Variants in SLC36A2 observed in about 807,000 individuals in gnomAD.
The protein encoded by SLC36A2 is proton-coupled amino acid transporter 2.
SLC36A2 carries 39 observed loss-of-function variants against 42.7 expected under a neutral mutation model. The ratio of observed to expected loss-of-function variants is 0.91; its 90% CI spans 0.71 to 1.19. The LOEUF (loss-of-function observed/expected upper bound fraction) is 1.19, where lower values mean the gene tolerates loss of function less well. SLC36A2 is among the 50% of genes most tolerant of loss of function. The pLI, the probability that SLC36A2 is intolerant of heterozygous loss-of-function variation, is 0.00. For missense variants in SLC36A2, 590 were observed against 613.7 expected, an observed-to-expected ratio of 0.96 and a Z score of 0.41; for synonymous variants, 237 against 240.8, an observed-to-expected ratio of 0.98 and a Z score of 0.15.
Position 151,322,086 on chromosome 5 carries a change from A to T in SLC36A2, c.1140T>A (p.Pro380=), listed in dbSNP as rs1295661180. ...ISRVSTRWAL[P]LDLSIRLVMV... is the part of the protein sequence containing the mutation. ...TGACGAGGCGAATGGACAGATCCAG[A>T]GGCAGTGCCCAGCGTGTTGACACCC... is the stretch of plus-strand genomic sequence containing the variant. The change falls in exon 9 of 10, where the codon CCT becomes CCA. Residue 380 remains proline (P), a synonymous_variant. Coordinates refer to ENST00000335244, the MANE Select transcript of SLC36A2 (RefSeq NM_181776.3). The T allele has an allele frequency of 6.2e-6, 10 of 1,614,224 alleles. No homozygotes were observed. The highest frequency in any genetic ancestry group is 8.5e-6 in the Non-Finnish European group (10 of 1,180,036).
intron 1 of SLC36A2, among the ~76,000 whole-genome samples, chr5:151,344,980 C>G (rs1269934723): frequency 6.6e-6 from 1 of 152,094 alleles, no homozygotes; most frequent in Non-Finnish European, 1.5e-5. Context: ...TTTCTTTTCT[C>G]AGCCCAGGGC....
At chr5:151,321,991 C>G (rs780981440) in intron 9 of SLC36A2, 55 bp downstream of exon 9, 81 of 1,609,872 alleles carry the variant, frequency 5.0e-5, no homozygotes, top group Non-Finnish European at 5.9e-5. Context: ...CTGGCTGATT[C>G]TTTATAGCCC....
chr5:151,331,250 C>T (rs575970500), intron 7 of SLC36A2, among the ~76,000 whole-genome samples: 94 of 152,252 alleles, frequency 6.2e-4, no homozygotes, highest in African/African-American at 2.2e-3. Flanking sequence ...GAAGAAAACT[C>T]TGAGGTAAAT....
At chr5:151,344,322 G>T in intron 1 of SLC36A2, 55 bp from the exon 2 acceptor site, 1 of 1,455,788 alleles carries the variant, frequency 6.9e-7, no homozygotes, top group Non-Finnish European at 9.6e-7. Context: ...AGAAGATCCA[G>T]CGGTGATTCC....
rs554231453 is a variant in SLC36A2 at position 151,340,308 on chromosome 5, C to A, written c.441-1164G>T. Among the ~76,000 whole-genome samples the A allele has an allele frequency of 3.7e-4, 55 of 148,486 alleles. No individual in the cohort carries two copies. In the South Asian group the frequency reaches 7.1e-3, roughly 19 times the overall value. ...AAGAGGAAGAGGAGGAAGAAGAAGA[C>A]GAGGAGGAGGAGGAGGACAGTTTTA... On this transcript the variant is annotated intron_variant, in intron 4 of 9. Transcript: ENST00000335244.
chr5:151,322,253 T>C, intron 8 of SLC36A2, 38 bp from the exon 9 acceptor site: 2 of 1,611,132 alleles, frequency 1.2e-6, no homozygotes, highest in Non-Finnish European at 1.7e-6. Flanking sequence ...CCACGGCCAC[T>C]GTGTTCTGAC....
In SLC36A2 at chr5:151,322,187, T is replaced by C; in HGVS notation, c.1039A>G (p.Ile347Val). ...WLYQSVKLLY[I>V]AGILCTYALQ... The stretch of plus-strand genomic sequence containing the variant: ...GCATAGGTGCACAGGATGCCGGCAA[T>C]GTAGAGAAGCTTGACAGACTGGTAC... Residue 347 changes from isoleucine (I) to valine (V), a missense_variant, in exon 9 of 10, where the codon ATT (isoleucine) becomes GTT (valine). Transcript: ENST00000335244. 2 of 1,614,108 alleles carry C rather than the reference T, an allele frequency of 1.2e-6. No individual in the cohort carries two copies. Among genetic ancestry groups the C allele is most frequent in the South Asian group, 1.1e-5 (1 of 91,076 alleles).
At position 151,325,300 on chromosome 5, in the gene SLC36A2, G is replaced by C. The variant is rs778139122; in HGVS notation, c.996C>G (p.Asn332Lys). 1.2e-6 allele frequency: 2 copies of C among 1,613,540 alleles called. No individual in the cohort carries two copies. The highest frequency in any genetic ancestry group is 1.7e-5 in the Admixed American group (1 of 59,932). ...GDDIKASISL[N>K]LPNCWLYQSV... ...CATGAAGATACCAGCAGTTAGGCAG[G>C]TTAAGGCTTATGCTGGCCTTGATGT... is the stretch of plus-strand genomic sequence containing the variant. The change falls in exon 8 of 10, where the codon AAC (asparagine) becomes AAG (lysine). Residue 332 changes from asparagine (N) to lysine (K), a missense_variant. Coordinates refer to ENST00000335244, the MANE Select transcript of SLC36A2 (RefSeq NM_181776.3).
At chr5:151,329,994 G>C (rs1293034663) in intron 7 of SLC36A2, among the ~76,000 whole-genome samples, 2 of 152,112 alleles carry the variant, frequency 1.3e-5, no homozygotes, top group African/African-American at 4.8e-5. Context: ...GGCACAGATT[G>C]GTTATACACT....
Position 151,322,010 on chromosome 5 carries a change from G to A in SLC36A2, c.1180+36C>T, listed in dbSNP as rs59157738. 12,585 of 1,613,112 alleles carry A rather than the reference G, an allele frequency of 7.8e-3. 828 individuals carry two copies. In the African/African-American group the frequency reaches 0.15, roughly 19 times the overall value. ...CTGATTCTTTATAGCCCTCAGAAAAGATCAGCAGGAACACTGCACTCTCCT... is the reference window on the plus strand; with the variant it reads ...CTGATTCTTTATAGCCCTCAGAAAAAATCAGCAGGAACACTGCACTCTCCT... On this transcript the variant is annotated intron_variant, in intron 9 of 9. Transcript: ENST00000335244.
In SLC36A2 at chr5:151,336,005, C is replaced by CAA. The variant is rs543628468; in HGVS notation, c.526-460_526-459dup. 7.9e-3 allele frequency among the ~76,000 whole-genome samples: 951 copies of CAA among 120,376 alleles called. 44 individuals are homozygous for CAA. In the East Asian group the frequency reaches 0.15, roughly 19 times the overall value. The allele number at this position is 120,376 out of a possible 152,430, so 79.0% of individuals were successfully genotyped here. On this transcript the variant is annotated intron_variant, in intron 5 of 9. Coordinates refer to ENST00000335244, the MANE Select transcript of SLC36A2 (RefSeq NM_181776.3). ...GCAACAGAGTAAGGCCCTGTATCCA[C>CAA]AAAAAAAAAAAAAAGTTGTAAAAAT...
Position 151,340,216 on chromosome 5 carries a change from GGA to G in SLC36A2, c.441-1074_441-1073del, listed in dbSNP as rs563533727. 6.8e-4 allele frequency among the ~76,000 whole-genome samples: 93 copies of G among 136,656 alleles called. 2 individuals are homozygous for G. In the East Asian group the frequency reaches 0.018, roughly 26 times the overall value. 89.7% of individuals were successfully genotyped at this position (136,656 alleles called of 152,430 possible). ...TGGAGGAGGAGGAGAGGAGGAGGAG[GGA>G]GAGGAGGAGGAAGGGGAGGAGGAGG... On this transcript the variant is annotated intron_variant, in intron 4 of 9. Transcript: ENST00000335244.
At chr5:151,332,020 C>T (rs1473183147) in intron 7 of SLC36A2, among the ~76,000 whole-genome samples, 1 of 152,040 alleles carries the variant, frequency 6.6e-6, no homozygotes, top group African/African-American at 2.4e-5. Flanking sequence ...GTACATGCTG[C>T]CACTCCCAGT....
intron 7 of SLC36A2, among the ~76,000 whole-genome samples, chr5:151,332,194 T>C (rs1342000366): frequency 6.6e-6 from 1 of 151,766 alleles, no homozygotes. Flanking sequence ...GGAAAAAATT[T>C]AAAAGGAAAA....
Position 151,347,556 on chromosome 5 carries a change from C to T in SLC36A2, c.-96G>A. ...TCTAGTGTAGATGTACACCCCAGCA[C>T]AGTGGTGTGTGCCCGGGCTGGCTCT... On this transcript the variant is annotated 5_prime_UTR_variant, in exon 1 of 10. In the 5' UTR this introduces an upstream ATG that the reference lacks. Transcript: ENST00000335244. 1 of 1,488,274 alleles carries T rather than the reference C, an allele frequency of 6.7e-7. No individual in the cohort carries two copies. The highest frequency in any genetic ancestry group is 1.1e-5 in the South Asian group (1 of 87,660). 92.2% of individuals were successfully genotyped at this position (1,488,274 alleles called of 1,614,324 possible).
intron 7 of SLC36A2, among the ~76,000 whole-genome samples, chr5:151,326,799 C>G (rs1175425748): frequency 6.9e-6 from 1 of 145,540 alleles, no homozygotes; most frequent in Non-Finnish European, 1.5e-5. Flanking sequence ...AAAACGGGCT[C>G]AAATGAATTT....
chr5:151,326,917 T>A (rs1755868897), intron 7 of SLC36A2, among the ~76,000 whole-genome samples: 1 of 151,120 alleles, frequency 6.6e-6, no homozygotes, highest in Admixed American at 6.6e-5. Context: ...GCTCAAGAGA[T>A]CCCTCCCATC....
intron 1 of SLC36A2, among the ~76,000 whole-genome samples, chr5:151,345,059 G>T (rs567570405): frequency 6.6e-6 from 1 of 152,260 alleles, no homozygotes; most frequent in South Asian, 2.1e-4. Flanking sequence ...TAAGACAAAT[G>T]CGAAGGTTTG....
chr5:151,327,273 G>T (rs10050870), intron 7 of SLC36A2, among the ~76,000 whole-genome samples: 1 of 152,060 alleles, frequency 6.6e-6, no homozygotes, highest in Non-Finnish European at 1.5e-5. Context: ...GGAAAACAAG[G>T]CTCTGAAAAT....
Sources: allele counts gnomAD v4.1 joint callset (sites outside exome capture counted in the v4.1 genomes callset), GRCh38; gene constraint gnomAD v4.1.1; transcripts MANE v1.5; gene names NCBI Gene and HGNC (gene_info 2026-07-23, HGNC 2026-07-21).